CACNA2D3: variants seen among roughly 807,000 people sequenced by gnomAD.
CACNA2D3 encodes calcium voltage-gated channel auxiliary subunit alpha2delta 3.
A neutral mutation model predicts 160.6 loss-of-function variants in CACNA2D3; 60 were observed. The observed-to-expected ratio is 0.37, with a 90% CI of 0.30 to 0.46. The LOEUF is 0.46. CACNA2D3 is among the 20% of genes least tolerant of loss of function. The pLI is 1.00. For missense variants in CACNA2D3, 1,205 were observed against 1,365.0 expected (o/e 0.88, Z 1.85); for synonymous variants, 558 against 492.9 (o/e 1.13, Z -1.75).
intron 17 of CACNA2D3, among the ~76,000 whole-genome samples, chr3:54,865,617 A>G (rs1216668085): frequency 2.6e-5 from 4 of 152,228 alleles, no homozygotes; most frequent in Admixed American, 2.0e-4. Flanking sequence ...ACAAATGAGC[A>G]CCAAGTCAGG....
intron 35 of CACNA2D3, among the ~76,000 whole-genome samples, chr3:55,043,429 A>T (rs1015650004): frequency 1.1e-4 from 12 of 105,184 alleles, no homozygotes; most frequent in Admixed American, 7.5e-4. Flanking sequence ...GATTCTTTTC[A>T]TGTAATTCCT....
chr3:54,514,851 T>A (rs1444227990), intron 5 of CACNA2D3, among the ~76,000 whole-genome samples: 1 of 152,130 alleles, frequency 6.6e-6, no homozygotes, highest in Non-Finnish European at 1.5e-5. Context: ...CTTCACAGAA[T>A]GTTTTGGGTT....
chr3:54,425,295 C>T (rs1699895562), intron 4 of CACNA2D3, among the ~76,000 whole-genome samples: 1 of 152,210 alleles, frequency 6.6e-6, no homozygotes, highest in Non-Finnish European at 1.5e-5. Flanking sequence ...CGTGCCATTG[C>T]ACTCCAGCCC....
At chr3:54,862,084 G>A (rs570125737) in intron 17 of CACNA2D3, among the ~76,000 whole-genome samples, 1 of 152,284 alleles carries the variant, frequency 6.6e-6, no homozygotes, top group South Asian at 2.1e-4. Flanking sequence ...AACCAGCTCA[G>A]TTTGGTAGTC....
intron 4 of CACNA2D3, among the ~76,000 whole-genome samples, chr3:54,480,595 A>G (rs947303842): frequency 3.3e-5 from 5 of 152,200 alleles, no homozygotes; most frequent in Non-Finnish European, 7.3e-5. Context: ...TAAAATATGT[A>G]TGAAATTTTT....
At chr3:54,232,589 C>T (rs761425149) in intron 2 of CACNA2D3, among the ~76,000 whole-genome samples, 1 of 152,132 alleles carries the variant, frequency 6.6e-6, no homozygotes, top group African/African-American at 2.4e-5. Flanking sequence ...CTGAGCCCCA[C>T]CCCTGCTTTG....
At chr3:54,763,663 G>GTGTGTGTATATATGTATATA (rs1369135230) in intron 12 of CACNA2D3, among the ~76,000 whole-genome samples, 1 of 145,028 alleles carries the variant, frequency 6.9e-6, no homozygotes, top group Admixed American at 7.0e-5. Context: ...ATGTGTGTGT[G>GTGTGTGTATATATGTATATA]TGTGTGTATA....
chr3:54,791,377 A>G (rs1702755232), intron 13 of CACNA2D3, among the ~76,000 whole-genome samples: 1 of 152,254 alleles, frequency 6.6e-6, no homozygotes, highest in African/African-American at 2.4e-5. Context: ...ATGCAAAGAC[A>G]GAAATATGGA....
intron 17 of CACNA2D3, among the ~76,000 whole-genome samples, chr3:54,861,417 G>A (rs1315504684): frequency 2.0e-5 from 3 of 152,130 alleles, no homozygotes; most frequent in African/African-American, 7.2e-5. Context: ...TGAGAGGCAG[G>A]GAGTGGCGAG....
chr3:54,210,853 A>G (rs556768322), intron 2 of CACNA2D3, among the ~76,000 whole-genome samples: 1 of 152,308 alleles, frequency 6.6e-6, no homozygotes, highest in African/African-American at 2.4e-5. Flanking sequence ...AGTCCTTGGT[A>G]ATGTGTAAAA....
intron 8 of CACNA2D3, among the ~76,000 whole-genome samples, chr3:54,572,144 C>G (rs980739103): frequency 7.2e-6 from 1 of 138,936 alleles, no homozygotes; most frequent in East Asian, 2.1e-4. Context: ...ACATGGTGGC[C>G]GAGGGGATTG....
At chr3:54,368,093 CAAGATTTTATTGGAAT>C (rs1394685798) in intron 3 of CACNA2D3, among the ~76,000 whole-genome samples, 1 of 152,108 alleles carries the variant, frequency 6.6e-6, no homozygotes, top group Non-Finnish European at 1.5e-5. Context: ...ATATAAGGAA[CAAGATTTTATTGGAAT>C]ACATAGCTTG....
chr3:54,928,641 C>G (rs1701097687), intron 27 of CACNA2D3, among the ~76,000 whole-genome samples: 1 of 152,278 alleles, frequency 6.6e-6, no homozygotes, highest in Non-Finnish European at 1.5e-5. Context: ...TCACAACCTT[C>G]CTTCTGGTGC....
rs1559573831 is a variant in CACNA2D3 at position 54,763,816 on chromosome 3, T to TATATAC, written c.1247-397_1247-396insCATATA. ...ATATATATGTACATATATATACATATATATATACGTATATATATGTATATA... is the reference window on the plus strand; with the variant it reads ...ATATATATGTACATATATATACATATATATACATATATACGTATATATATGTATATA... On this transcript the variant is annotated intron_variant, in intron 12 of 37. Coordinates refer to ENST00000474759, the MANE Select transcript of CACNA2D3 (RefSeq NM_018398.3). Among the ~76,000 whole-genome samples, 32 of 96,030 alleles carry TATATAC rather than the reference T, an allele frequency of 3.3e-4. 2 individuals are homozygous for TATATAC. Among genetic ancestry groups the TATATAC allele is most frequent in the African/African-American group, 1.2e-3 (28 of 23,234 alleles). 63.0% of individuals were successfully genotyped at this position (96,030 alleles called of 152,430 possible).
At chr3:55,006,511 A>G (rs1336666511) in intron 32 of CACNA2D3, among the ~76,000 whole-genome samples, 1 of 152,218 alleles carries the variant, frequency 6.6e-6, no homozygotes, top group Admixed American at 6.5e-5. Flanking sequence ...GTAAAATGTA[A>G]TGGCAAAACC....
intron 27 of CACNA2D3, among the ~76,000 whole-genome samples, chr3:54,917,843 T>C (rs1430600392): frequency 6.6e-6 from 1 of 152,192 alleles, no homozygotes; most frequent in African/African-American, 2.4e-5. Context: ...CTCTGAGGCC[T>C]AGAAAGCCCC....
At chr3:55,059,699 G>A (rs543654299) in intron 35 of CACNA2D3, among the ~76,000 whole-genome samples, 1 of 152,296 alleles carries the variant, frequency 6.6e-6, no homozygotes, top group South Asian at 2.1e-4. Flanking sequence ...TCCAGCATCC[G>A]AGAAGAATCA....
chr3:54,805,901 T>C (rs540829591), intron 13 of CACNA2D3, among the ~76,000 whole-genome samples: 8,590 of 151,926 alleles, frequency 0.057, 817 homozygotes, highest in African/African-American at 0.2. Context: ...GTTCAATATA[T>C]GCAAATCAAT....
chr3:54,812,632 C>T (rs1486794397), intron 13 of CACNA2D3, among the ~76,000 whole-genome samples: 1 of 152,208 alleles, frequency 6.6e-6, no homozygotes, highest in Non-Finnish European at 1.5e-5. Context: ...CCTGCTTTCT[C>T]TTCTGGGTGA....
Sources: gnomAD v4.1 joint callset for allele counts (sites outside exome capture counted in the v4.1 genomes callset) on GRCh38, gnomAD v4.1.1 for gene constraint, MANE v1.5 for transcripts, NCBI Gene and HGNC (gene_info 2026-07-23, HGNC 2026-07-21) for gene names.